The following FUT9 variants were observed in gnomAD, a reference collection of about 807,000 sequenced individuals.
FUT9 encodes fucosyltransferase 9.
A neutral mutation model predicts 29.7 loss-of-function variants in FUT9; 15 were observed. The ratio of observed to expected loss-of-function variants is 0.51; its 90% CI spans 0.34 to 0.78. FUT9 has a LOEUF of 0.78. Ranked by LOEUF, FUT9 falls within the 30% of genes least tolerant of loss-of-function variation. FUT9 has a pLI of 0.01. For missense variants in FUT9, 319 were observed against 425.4 expected, an observed-to-expected ratio of 0.75 and a Z score of 2.20; for synonymous variants, 169 against 153.7, an observed-to-expected ratio of 1.10 and a Z score of -0.74.
At chr6:96,113,621 C>T (rs1183371727) in intron 1 of FUT9, among the ~76,000 whole-genome samples, 1 of 151,130 alleles carries the variant, frequency 6.6e-6, no homozygotes, top group Admixed American at 6.6e-5. Context: ...TTTGGGAGGC[C>T]GAGGCGGGCG....
intron 1 of FUT9, among the ~76,000 whole-genome samples, chr6:96,060,052 G>A (rs1432892456): frequency 2.0e-5 from 3 of 151,984 alleles, no homozygotes; most frequent in Non-Finnish European, 4.4e-5. Context: ...TAGAACAATC[G>A]CCTACTTTCT....
rs540094942 is a variant in FUT9 at position 96,058,459 on chromosome 6, G to A, written c.-98+42247G>A. On this transcript the variant is annotated intron_variant, in intron 1 of 2. Coordinates refer to ENST00000302103, the MANE Select transcript of FUT9 (RefSeq NM_006581.4). ...TAAAAGTGCAAAGACTGGGAACCTG[G>A]CTTTATTCCAAAAAAAAAAAAAAAA... is the stretch of plus-strand genomic sequence containing the variant. Among the ~76,000 whole-genome samples the A allele has an allele frequency of 5.1e-5, 4 of 77,688 alleles. No homozygotes were observed. The East Asian group carries it at 1.7e-3, about 32-fold the overall frequency. The allele number at this position is 77,688 out of a possible 152,430, so 51.0% of individuals were successfully genotyped here.
rs556005885 is a variant in FUT9, at chr6:96,208,796, C to A, written c.*4561C>A. 6.0e-6 allele frequency: 1 copy of A among 166,752 alleles called. No homozygotes were observed. Among genetic ancestry groups the A allele is most frequent in the East Asian group, 1.9e-4 (1 of 5,180 alleles). The allele number at this position is 166,752 out of a possible 1,614,324, so 10.3% of individuals were successfully genotyped here. A position where few individuals can be genotyped will look rare whatever the true frequency, so the allele number is the denominator to read the frequency against. ...TAGTATTTAAGGAGAGTATAAAGTG[C>A]GAGCACTGTGAAGGGCAGATATCTA... On this transcript the variant is annotated 3_prime_UTR_variant, in exon 3 of 3. Coordinates refer to ENST00000302103, the MANE Select transcript of FUT9 (RefSeq NM_006581.4).
At chr6:96,144,493 T>A (rs1375843414) in intron 2 of FUT9, among the ~76,000 whole-genome samples, 1 of 152,166 alleles carries the variant, frequency 6.6e-6, no homozygotes, top group South Asian at 2.1e-4. Flanking sequence ...CTGTACATAA[T>A]CAAATATTGC....
At chr6:96,087,362 A>ATT (rs55814316) in intron 1 of FUT9, among the ~76,000 whole-genome samples, 28 of 96,602 alleles carry the variant, frequency 2.9e-4, no homozygotes, top group African/African-American at 6.6e-4. Context: ...TTCCCCACAA[A>ATT]TTTTTTTTTT....
chr6:96,181,872 T>A (rs1773315286), intron 2 of FUT9, among the ~76,000 whole-genome samples: 1 of 152,254 alleles, frequency 6.6e-6, no homozygotes, highest in East Asian at 1.9e-4. Flanking sequence ...AATTGTGAAT[T>A]GTGCTACTAT....
chr6:96,143,533 C>T (rs72931983), intron 2 of FUT9, among the ~76,000 whole-genome samples: 3,286 of 151,802 alleles, frequency 0.022, 99 homozygotes, highest in South Asian at 0.12. Context: ...TTCTTTCTCT[C>T]TCTCCTTTCC....
intron 2 of FUT9, among the ~76,000 whole-genome samples, chr6:96,161,816 C>T (rs1169558354): frequency 6.6e-6 from 1 of 152,190 alleles, no homozygotes; most frequent in Non-Finnish European, 1.5e-5. Flanking sequence ...CTTCACTTTG[C>T]CTTTTACCAT....
intron 2 of FUT9, among the ~76,000 whole-genome samples, chr6:96,168,210 T>G (rs1638312551): frequency 6.6e-6 from 1 of 152,196 alleles, no homozygotes; most frequent in Non-Finnish European, 1.5e-5. Context: ...TTGAGATGTC[T>G]GTGGGAAGTC....
intron 2 of FUT9, among the ~76,000 whole-genome samples, chr6:96,180,367 C>G (rs1773282928): frequency 6.6e-6 from 1 of 151,938 alleles, no homozygotes; most frequent in African/African-American, 2.4e-5. Flanking sequence ...GATGTAGATC[C>G]ATGATTTGAA....
At chr6:96,185,154 T>TC (rs937494461) in intron 2 of FUT9, among the ~76,000 whole-genome samples, 8 of 151,748 alleles carry the variant, frequency 5.3e-5, no homozygotes, top group African/African-American at 1.9e-4. Flanking sequence ...TTTAGAATTT[T>TC]TTTTTTTAAC....
intron 1 of FUT9, among the ~76,000 whole-genome samples, chr6:96,034,338 C>A (rs532130875): frequency 6.6e-6 from 1 of 151,550 alleles, no homozygotes; most frequent in African/African-American, 2.4e-5. Context: ...AGCACTGTAA[C>A]CCTATTACCT....
intron 2 of FUT9, among the ~76,000 whole-genome samples, chr6:96,159,762 A>G (rs1772862558): frequency 2.0e-5 from 3 of 152,160 alleles, no homozygotes; most frequent in East Asian, 1.9e-4. Context: ...ATCAAGCACT[A>G]TAATTTTATA....
In FUT9 at chr6:96,214,001, A is replaced by T. The variant is rs1773987979; in HGVS notation, c.*9766A>T. 6.0e-6 allele frequency: 1 copy of T among 166,952 alleles called. No homozygotes were observed. The highest frequency in any genetic ancestry group is 2.4e-5 in the African/African-American group (1 of 41,444). 10.3% of individuals were successfully genotyped at this position (166,952 alleles called of 1,614,324 possible). ...CCGTATGCATGATTCACGTCCTTTC[A>T]AAAGTCCCTTTTCAACATTTGGTAA... On this transcript the variant is annotated 3_prime_UTR_variant, in exon 3 of 3. Coordinates refer to ENST00000302103, the MANE Select transcript of FUT9 (RefSeq NM_006581.4).
chr6:96,020,753 T>C (rs1770052944), intron 1 of FUT9: 1 of 152,118 alleles, frequency 6.6e-6, no homozygotes, highest in Non-Finnish European at 1.5e-5. Context: ...TGATGTAAAC[T>C]AGGGGAACCA....
intron 1 of FUT9, among the ~76,000 whole-genome samples, chr6:96,085,612 G>A (rs1216341084): frequency 1.5e-5 from 2 of 131,882 alleles, no homozygotes; most frequent in African/African-American, 6.1e-5. Context: ...AAACAAGCCA[G>A]GTTTGTCAAA....
chr6:96,091,508 A>G (rs1007647336), intron 1 of FUT9, among the ~76,000 whole-genome samples: 12 of 152,206 alleles, frequency 7.9e-5, no homozygotes, highest in African/African-American at 2.9e-4. Context: ...TGAGCCCCAT[A>G]TTATGTGATA....
At chr6:96,056,532 A>G (rs1360048655) in intron 1 of FUT9, among the ~76,000 whole-genome samples, 2 of 152,206 alleles carry the variant, frequency 1.3e-5, no homozygotes, top group Non-Finnish European at 2.9e-5. Context: ...CAGTCAGGGT[A>G]TTAGTAGTGA....
intron 1 of FUT9, among the ~76,000 whole-genome samples, chr6:96,087,362 ATTTTTT>A (rs55814316): frequency 1.0e-5 from 1 of 96,648 alleles, no homozygotes; most frequent in Admixed American, 1.2e-4. Context: ...TTCCCCACAA[ATTTTTT>A]TTTTTTTTTT....
Sources: gnomAD v4.1 joint callset for allele counts (sites outside exome capture counted in the v4.1 genomes callset) on GRCh38, gnomAD v4.1.1 for gene constraint, MANE v1.5 for transcripts, NCBI Gene and HGNC (gene_info 2026-07-23, HGNC 2026-07-21) for gene names.